SUGCT: variants seen among roughly 807,000 people sequenced by gnomAD.
SUGCT encodes the protein succinyl-CoA:glutarate-CoA transferase.
Under a neutral mutation model 55.0 loss-of-function variants are expected in SUGCT, and 41 were observed. The ratio of observed to expected loss-of-function variants is 0.74; its 90% CI spans 0.58 to 0.97. The LOEUF is 0.97. SUGCT is among the 50% of genes least tolerant of loss of function. The pLI, the probability that SUGCT is intolerant of heterozygous loss-of-function variation, is 0.00. For synonymous variants in SUGCT, 187 were observed against 200.4 expected (o/e 0.93, Z 0.56); for missense variants, 568 against 547.8 (o/e 1.04, Z -0.37).
intron 12 of SUGCT, among the ~76,000 whole-genome samples, chr7:40,544,348 G>A (rs184176505): frequency 6.6e-6 from 1 of 152,140 alleles, no homozygotes; most frequent in Admixed American, 6.5e-5. Flanking sequence ...GCCGCAAGTG[G>A]GTGTGTGAGC....
chr7:40,274,950 T>G (rs190919940), intron 8 of SUGCT, among the ~76,000 whole-genome samples: 1 of 152,118 alleles, frequency 6.6e-6, no homozygotes, highest in African/African-American at 2.4e-5. Context: ...TACAGGCATG[T>G]GCCACCACGC....
intron 1 of SUGCT, among the ~76,000 whole-genome samples, chr7:40,148,640 A>G (rs1386543050): frequency 6.6e-6 from 1 of 152,128 alleles, no homozygotes; most frequent in East Asian, 1.9e-4. Flanking sequence ...GCAAAACTTC[A>G]TCTCAAAACA....
the SUGCT span, among the ~76,000 whole-genome samples, chr7:40,969,390 G>T: frequency 0.43 from 65,424 of 152,074 alleles, 15,184 homozygotes; most frequent in African/African-American, 0.62. Flanking sequence ...AGACAGAATG[G>T]TGCTCTATTG....
intron 9 of SUGCT, among the ~76,000 whole-genome samples, chr7:40,384,069 G>A (rs561013307): frequency 3.9e-5 from 6 of 152,174 alleles, no homozygotes; most frequent in African/African-American, 9.6e-5. Context: ...TAATTATCCC[G>A]CAGCAGAGGG....
At chr7:40,513,249 A>T (rs1793040693) in intron 12 of SUGCT, among the ~76,000 whole-genome samples, 1 of 152,176 alleles carries the variant, frequency 6.6e-6, no homozygotes. Context: ...TCTGGGCCTC[A>T]GCTTCTGGTA....
intron 12 of SUGCT, among the ~76,000 whole-genome samples, chr7:40,527,152 C>T (rs1793843459): frequency 6.6e-6 from 1 of 152,156 alleles, no homozygotes; most frequent in Non-Finnish European, 1.5e-5. Context: ...TCTTTATGAT[C>T]TAAATATTCT....
chr7:40,521,123 C>A (rs942374031), intron 12 of SUGCT, among the ~76,000 whole-genome samples: 1 of 152,078 alleles, frequency 6.6e-6, no homozygotes, highest in Non-Finnish European at 1.5e-5. Context: ...AGCTAAACCT[C>A]ATGTTCAGTT....
chr7:40,749,358 G>A (rs1406493647), intron 12 of SUGCT, 76 bp from the exon 13 acceptor site: 1 of 1,126,094 alleles, frequency 8.9e-7, no homozygotes, highest in African/African-American at 1.5e-5. Context: ...CGACTGAATA[G>A]ATGGCTGTCC....
At chr7:40,678,542 C>T (rs1004601730) in intron 12 of SUGCT, among the ~76,000 whole-genome samples, 1 of 152,066 alleles carries the variant, frequency 6.6e-6, no homozygotes, top group Non-Finnish European at 1.5e-5. Context: ...CTTTCCCTTC[C>T]TGGGCAAATT....
chr7:40,214,646 T>G (rs146960436), intron 6 of SUGCT, among the ~76,000 whole-genome samples: 2,836 of 152,264 alleles, frequency 0.019, 45 homozygotes, highest in Non-Finnish European at 0.027. Context: ...CTGGGCATGG[T>G]GGCTCATGCC....
In SUGCT at chr7:40,741,482, TAA is replaced by T. The variant is rs199987779; in HGVS notation, c.1090-7951_1090-7950del. On this transcript the variant is annotated intron_variant, in intron 12 of 13. Coordinates refer to ENST00000335693, the MANE Select transcript of SUGCT (RefSeq NM_001193313.2). The stretch of plus-strand genomic sequence containing the variant: ...CAAAACCTAAAAACTCTGATAATAT[TAA>T]GTTTTGCTGAGATATAAAGCAACTG... Among the ~76,000 whole-genome samples the T allele has an allele frequency of 3.7e-3, 557 of 152,288 alleles. 9 individuals carry two copies. Among genetic ancestry groups the T allele is most frequent in the African/African-American group, 0.013 (523 of 41,566 alleles).
intron 12 of SUGCT, among the ~76,000 whole-genome samples, chr7:40,722,676 A>G (rs1048831575): frequency 2.0e-5 from 3 of 152,232 alleles, no homozygotes; most frequent in Admixed American, 1.3e-4. Context: ...GATACATAAT[A>G]GTTATACATA....
At chr7:40,292,456 T>C (rs747001670) in intron 8 of SUGCT, among the ~76,000 whole-genome samples, 2 of 152,206 alleles carry the variant, frequency 1.3e-5, no homozygotes, top group African/African-American at 2.4e-5. Flanking sequence ...TGAGGTTTTC[T>C]TTAAAGGAAG....
intron 1 of SUGCT, among the ~76,000 whole-genome samples, chr7:40,136,100 G>A (rs970641010): frequency 6.6e-6 from 1 of 151,658 alleles, no homozygotes; most frequent in African/African-American, 2.4e-5. Context: ...GGGTTCAAGC[G>A]ATTCTCTTGC....
At chr7:40,797,493 G>C (rs1790604845) in intron 13 of SUGCT, among the ~76,000 whole-genome samples, 1 of 152,072 alleles carries the variant, frequency 6.6e-6, no homozygotes, top group African/African-American at 2.4e-5. Flanking sequence ...AGTCATCCTA[G>C]GCTGCTTCTG....
intron 1 of SUGCT, chr7:40,141,891 CA>C: frequency 2.7e-6 from 1 of 368,862 alleles, no homozygotes; most frequent in Non-Finnish European, 5.6e-6. Flanking sequence ...CACACCTGGA[CA>C]AGGGAGGGGA....
chr7:40,391,068 A>G (rs1785404138), intron 9 of SUGCT, among the ~76,000 whole-genome samples: 1 of 152,180 alleles, frequency 6.6e-6, no homozygotes, highest in Admixed American at 6.5e-5. Flanking sequence ...TGCTGGGAAA[A>G]CTGGCTAGCC....
Position 40,860,495 on chromosome 7 carries a change from C to T in SUGCT, c.*16C>T, listed in dbSNP as rs371697397. ...AACTCACTGACAAAGGAAAAGGGCT[C>T]TTCCTCATAACCTCGATCCGAATAC... On this transcript the variant is annotated 3_prime_UTR_variant, in exon 14 of 14. Coordinates refer to ENST00000335693, the MANE Select transcript of SUGCT (RefSeq NM_001193313.2). The T allele has an allele frequency of 6.9e-6, 11 of 1,605,014 alleles. No homozygotes were observed. The East Asian group carries it at 2.5e-4, about 36-fold the overall frequency.
At chr7:40,943,978 G>A in the SUGCT span, among the ~76,000 whole-genome samples, 3 of 149,956 alleles carry the variant, frequency 2.0e-5, no homozygotes, top group Non-Finnish European at 3.0e-5. Flanking sequence ...CATTCTAACT[G>A]GTGTGAGATG....
Sources: gnomAD v4.1 joint callset for allele counts (sites outside exome capture counted in the v4.1 genomes callset) on GRCh38, gnomAD v4.1.1 for gene constraint, MANE v1.5 for transcripts, NCBI Gene and HGNC (gene_info 2026-07-23, HGNC 2026-07-21) for gene names.